The following CRYZL1 variants were observed in gnomAD, a reference collection of about 807,000 sequenced individuals.
The protein encoded by CRYZL1 is crystallin zeta like 1, also known as ferry endosomal RAB5 effector complex subunit 4.
Under a neutral mutation model 50.6 loss-of-function variants are expected in CRYZL1, and 34 were observed. The ratio of observed to expected loss-of-function variants is 0.67; its 90% CI spans 0.51 to 0.89. The LOEUF (loss-of-function observed/expected upper bound fraction) is 0.89. Ranked by LOEUF, CRYZL1 falls within the 40% of genes least tolerant of loss-of-function variation. The pLI, the probability that CRYZL1 is intolerant of heterozygous loss-of-function variation, is 0.00. For missense variants in CRYZL1, 354 were observed against 402.3 expected (o/e 0.88, Z 1.03); for synonymous variants, 125 against 134.3 (o/e 0.93, Z 0.48).
At position 33,600,933 on chromosome 21, in the gene CRYZL1, G is replaced by GTTTTTTTTTTTTTTTTTTTTT. The variant is rs764185960; in HGVS notation, c.577+1300_577+1301insAAAAAAAAAAAAAAAAAAAAA. Among the ~76,000 whole-genome samples, 2 of 59,520 alleles carry GTTTTTTTTTTTTTTTTTTTTT rather than the reference G, an allele frequency of 3.4e-5. 1 individual carries two copies. The highest frequency in any genetic ancestry group is 6.2e-5 in the Non-Finnish European group (2 of 32,430). The allele number at this position is 59,520 out of a possible 152,430, so 39.0% of individuals were successfully genotyped here. On this transcript the variant is annotated intron_variant, in intron 8 of 12. Transcript: ENST00000381554. Reference sequence around the variant, plus strand: ...TGAGCCACTGTGCCCGGTCCATAAAGTTTTTTTTTTTTTTTTTTTTGGGGG... The same window carrying GTTTTTTTTTTTTTTTTTTTTT: ...TGAGCCACTGTGCCCGGTCCATAAAGTTTTTTTTTTTTTTTTTTTTTTTTTTTTTTTTTTTTTTTTTGGGGG...
At chr21:33,591,397 T>C in intron 11 of CRYZL1, 190 bp from the exon 12 acceptor site, 1 of 601,682 alleles carries the variant, frequency 1.7e-6, no homozygotes, top group Non-Finnish European at 3.0e-6. Flanking sequence ...GATTTGAGAG[T>C]TGGTGGTGTA....
chr21:33,625,682 C>T (rs1408139075), intron 2 of CRYZL1, among the ~76,000 whole-genome samples: 1 of 151,718 alleles, frequency 6.6e-6, no homozygotes, highest in Non-Finnish European at 1.5e-5. Flanking sequence ...TGGGGTATTG[C>T]TATGTTGCCC....
At chr21:33,608,561 C>T (rs1427787789) in intron 6 of CRYZL1, among the ~76,000 whole-genome samples, 1 of 152,182 alleles carries the variant, frequency 6.6e-6, no homozygotes, top group Non-Finnish European at 1.5e-5. Flanking sequence ...TCTGTAGCCA[C>T]CATTCTACTC....
chr21:33,636,646 C>G (rs931802405), intron 1 of CRYZL1, among the ~76,000 whole-genome samples: 9 of 152,138 alleles, frequency 5.9e-5, no homozygotes, highest in African/African-American at 1.7e-4. Flanking sequence ...AAATTAAACA[C>G]TTGACTACAA....
In CRYZL1 at chr21:33,641,257, T is replaced by C. The variant is rs1202217382; in HGVS notation, c.-7+424A>G. Reference sequence around the variant, plus strand: ...TCAAAAGCCACATACAGCGAATAACTACTAACTGCTTTCCGAAAACAGCAA... The same window carrying C: ...TCAAAAGCCACATACAGCGAATAACCACTAACTGCTTTCCGAAAACAGCAA... On this transcript the variant is annotated intron_variant, in intron 1 of 12. Coordinates refer to ENST00000381554, the MANE Select transcript of CRYZL1 (RefSeq NM_145858.3). 2.6e-6 allele frequency: 4 copies of C among 1,550,530 alleles called. No individual in the cohort carries two copies. The Admixed American group carries it at 7.8e-5, about 30-fold the overall frequency.
rs772194302 is a variant in CRYZL1 at position 33,613,530 on chromosome 21, C to G, written c.331+8G>C. 5.7e-6 allele frequency: 9 copies of G among 1,591,734 alleles called. No homozygotes were observed. In the South Asian group the frequency reaches 1.0e-4, roughly 18 times the overall value. The stretch of plus-strand genomic sequence containing the variant: ...ATGTGAGCTCCAAAGTACTGAATTG[C>G]TACATACCCAAGTAATGCTCATGTA... On this transcript the variant is annotated splice_region_variant and intron_variant, in intron 6 of 12. Coordinates refer to ENST00000381554, the MANE Select transcript of CRYZL1 (RefSeq NM_145858.3).
chr21:33,608,180 C>G (rs914781355), intron 6 of CRYZL1, among the ~76,000 whole-genome samples: 2 of 152,178 alleles, frequency 1.3e-5, no homozygotes, highest in African/African-American at 4.8e-5. Flanking sequence ...CTTGGCTGGG[C>G]GCGGTGGCTC....
chr21:33,627,754 T>C (rs1367865285), intron 2 of CRYZL1, among the ~76,000 whole-genome samples: 8 of 146,056 alleles, frequency 5.5e-5, no homozygotes, highest in Non-Finnish European at 1.2e-4. Flanking sequence ...TTTTTTTTTT[T>C]TTTTTTTTGA....
At chr21:33,616,364 C>G (rs2086932033) in intron 5 of CRYZL1, 1 of 175,108 alleles carries the variant, frequency 5.7e-6, no homozygotes, top group Non-Finnish European at 1.2e-5. Flanking sequence ...GTGATCTCGG[C>G]TCACCACAAC....
intron 4 of CRYZL1, among the ~76,000 whole-genome samples, chr21:33,618,492 T>A (rs1569089333): frequency 1.3e-5 from 2 of 152,086 alleles, no homozygotes. Flanking sequence ...CTTCACAATG[T>A]ACCAATAAGG....
At chr21:33,615,947 A>C (rs1038716948) in intron 5 of CRYZL1, among the ~76,000 whole-genome samples, 1 of 152,172 alleles carries the variant, frequency 6.6e-6, no homozygotes, top group African/African-American at 2.4e-5. Context: ...ATTTTTTATT[A>C]TACTTTAAGT....
chr21:33,593,940 A>ACTTTATTCTCAT (rs2086667881), intron 11 of CRYZL1, among the ~76,000 whole-genome samples: 1 of 131,968 alleles, frequency 7.6e-6, no homozygotes, highest in Non-Finnish European at 1.5e-5. Flanking sequence ...AGCCAAGCTC[A>ACTTTATTCTCAT]TGCCACTGCA....
At chr21:33,597,674 G>A (rs967035077) in intron 9 of CRYZL1, among the ~76,000 whole-genome samples, 49 of 151,986 alleles carry the variant, frequency 3.2e-4, no homozygotes, top group African/African-American at 8.2e-4. Flanking sequence ...GTGCAGTGGC[G>A]CGATCTAGGC....
intron 6 of CRYZL1, among the ~76,000 whole-genome samples, chr21:33,604,519 A>C (rs2145926787): frequency 1.6e-5 from 2 of 124,772 alleles, no homozygotes; most frequent in African/African-American, 3.2e-5. Flanking sequence ...ACAGAGCAAG[A>C]CTCCGTCTCA....
chr21:33,603,405 C>A lies in CRYZL1; in HGVS notation c.464G>T (p.Ser155Ile). The stretch of plus-strand genomic sequence containing the variant: ...CTTAACAAAACCATTAGCACCTACA[C>A]TTGCTCCATCCATTATCAGCACTGA... The part of the protein sequence containing the change: ...GKSVLIMDGA[S>I]AFGTIAIQLA... The change falls in exon 7 of 13, where the codon AGT becomes ATT. Residue 155 changes from serine to isoleucine, a missense_variant and splice_region_variant. Physicochemically the swap from Ser to Ile is moderately radical, Grantham distance 142 (BLOSUM62 -2). Coordinates refer to ENST00000381554, the MANE Select transcript of CRYZL1 (RefSeq NM_145858.3). 6.2e-7 allele frequency: 1 copy of A among 1,614,020 alleles called. No homozygotes were observed. Among genetic ancestry groups the A allele is most frequent in the Non-Finnish European group, 8.5e-7 (1 of 1,180,006 alleles).
chr21:33,605,530 C>CTTTTTTTTTTTT lies in CRYZL1; in HGVS notation c.332-1994_332-1993insAAAAAAAAAAAA, dbSNP rs146096008. Among the ~76,000 whole-genome samples the CTTTTTTTTTTTT allele has an allele frequency of 5.5e-4, 29 of 53,192 alleles. 8 individuals are homozygous for CTTTTTTTTTTTT. Among genetic ancestry groups the CTTTTTTTTTTTT allele is most frequent in the South Asian group, 3.6e-3 (4 of 1,096 alleles). 34.9% of individuals were successfully genotyped at this position (53,192 alleles called of 152,430 possible). On this transcript the variant is annotated intron_variant, in intron 6 of 12. Coordinates refer to ENST00000381554, the MANE Select transcript of CRYZL1 (RefSeq NM_145858.3). ...GTAATTTTTCCGCAGTACAAGAATT[C>CTTTTTTTTTTTT]TTTTTTTTTTGAGATGGAGTCTCAC...
intron 10 of CRYZL1, among the ~76,000 whole-genome samples, chr21:33,597,073 T>C (rs1487298738): frequency 6.6e-6 from 1 of 151,940 alleles, no homozygotes; most frequent in Non-Finnish European, 1.5e-5. Context: ...TTTCACCATG[T>C]TGGCCAGGCT....
chr21:33,590,844 T>C (rs1223076829), intron 12 of CRYZL1, among the ~76,000 whole-genome samples: 1 of 152,226 alleles, frequency 6.6e-6, no homozygotes, highest in Non-Finnish European at 1.5e-5. Flanking sequence ...AAGGGTGAGG[T>C]ACACTACATA....
intron 1 of CRYZL1, chr21:33,640,197 A>T: frequency 1.3e-6 from 2 of 1,548,206 alleles, no homozygotes; most frequent in Non-Finnish European, 1.7e-6. Context: ...GTCTACAAAA[A>T]GAGCATAGTT....
Sources: gnomAD v4.1 joint callset for allele counts (sites outside exome capture counted in the v4.1 genomes callset) on GRCh38, gnomAD v4.1.1 for gene constraint, MANE v1.5 for transcripts, NCBI Gene and HGNC (gene_info 2026-07-23, HGNC 2026-07-21) for gene names.